The following PRICKLE1 variants were observed in gnomAD, a reference collection of about 807,000 sequenced individuals.
The protein encoded by PRICKLE1 is prickle-like protein 1.
Under a neutral mutation model 70.2 loss-of-function variants are expected in PRICKLE1, and 14 were observed. The observed-to-expected ratio is 0.20, with a 90% CI of 0.13 to 0.31. The LOEUF is 0.31. Ranked by LOEUF, PRICKLE1 falls within the 10% of genes least tolerant of loss-of-function variation. The probability of loss-of-function intolerance (pLI) is 1.00; values close to 1 mark genes in which losing one functional copy is unlikely to be tolerated. For synonymous variants in PRICKLE1, 357 were observed against 379.9 expected, an observed-to-expected ratio of 0.94 and a Z score of 0.70; for missense variants, 821 against 1,026.2, an observed-to-expected ratio of 0.80 and a Z score of 2.73.
At chr12:42,523,039 G>A (rs1028548070) in intron 1 of PRICKLE1, among the ~76,000 whole-genome samples, 2 of 150,290 alleles carry the variant, frequency 1.3e-5, no homozygotes, top group Admixed American at 6.7e-5. Flanking sequence ...TCGGCTCACT[G>A]CAACCACCGC....
Position 42,465,226 on chromosome 12 carries a change from G to T in PRICKLE1, c.808C>A (p.Gln270Lys), listed in dbSNP as rs752070986. Residue 270 changes from glutamine to lysine, a missense_variant, in exon 7 of 8, where the codon CAG becomes AAG. By Grantham distance (53) the Gln-to-Lys change is moderately conservative. Transcript: ENST00000345127. ...VDHAQMTYDG[Q>K]HWHATEACFS... ...CAGGCTTCCGTGGCGTGCCAGTGCT[G>T]CCCGTCATAGGTCATCTGTGCATGG... 34 of 1,613,826 alleles carry T rather than the reference G, an allele frequency of 2.1e-5. No homozygotes were observed. In the African/African-American group the frequency reaches 4.0e-4, roughly 19 times the overall value.
intron 1 of PRICKLE1, among the ~76,000 whole-genome samples, chr12:42,516,975 C>T (rs1356260199): frequency 2.0e-5 from 3 of 152,150 alleles, no homozygotes; most frequent in Non-Finnish European, 4.4e-5. Context: ...GTACCCTCTC[C>T]CTCAACTGTG....
At chr12:42,575,676 A>G (rs746036367) in intron 1 of PRICKLE1, among the ~76,000 whole-genome samples, 66 of 152,224 alleles carry the variant, frequency 4.3e-4, no homozygotes, top group Non-Finnish European at 7.2e-4. Flanking sequence ...CCTGGGTGAC[A>G]GAGCGAAACT....
Position 42,460,012 on chromosome 12 carries a change from A to G in PRICKLE1, c.2293T>C (p.Ser765Pro). ...YGEDDDSWCS[S>P]SSSSSDSEEE... ...TCCGAGTCGGAAGAGGAGGAGGAGG[A>G]AGAACACCAGGAATCATCATCCTCG... is the stretch of plus-strand genomic sequence containing the variant. Residue 765 changes from serine to proline, a missense_variant, in exon 8 of 8, where the codon TCC becomes CCC. Transcript: ENST00000345127. 1 of 1,614,036 alleles carries G rather than the reference A, an allele frequency of 6.2e-7. No homozygotes were observed. The highest frequency in any genetic ancestry group is 8.5e-7 in the Non-Finnish European group (1 of 1,180,000).
chr12:42,572,869 C>T (rs1324981892), intron 1 of PRICKLE1, among the ~76,000 whole-genome samples: 1 of 152,134 alleles, frequency 6.6e-6, no homozygotes, highest in Non-Finnish European at 1.5e-5. Flanking sequence ...CATTCCTATT[C>T]TAACCACCAG....
At chr12:42,571,878 C>T (rs1163957091) in intron 1 of PRICKLE1, among the ~76,000 whole-genome samples, 2 of 152,142 alleles carry the variant, frequency 1.3e-5, no homozygotes, top group Non-Finnish European at 2.9e-5. Context: ...CTTTCACTTT[C>T]CTTTTCTTTT....
At chr12:42,587,106 T>C (rs908532808) in intron 1 of PRICKLE1, among the ~76,000 whole-genome samples, 9 of 152,232 alleles carry the variant, frequency 5.9e-5, no homozygotes, top group African/African-American at 2.2e-4. Context: ...CATAATAAGC[T>C]TTTTAAGCTT....
intron 1 of PRICKLE1, among the ~76,000 whole-genome samples, chr12:42,533,135 T>G (rs1251584989): frequency 6.6e-6 from 1 of 151,572 alleles, no homozygotes; most frequent in Non-Finnish European, 1.5e-5. Flanking sequence ...TAAAAATCCA[T>G]GAATAAGAGA....
chr12:42,530,308 G>A (rs1362772963), intron 1 of PRICKLE1, among the ~76,000 whole-genome samples: 1 of 152,136 alleles, frequency 6.6e-6, no homozygotes, highest in South Asian at 2.1e-4. Flanking sequence ...TCCACTGGCA[G>A]ACAATGTAAT....
chr12:42,505,170 C>T (rs572174279), intron 1 of PRICKLE1, among the ~76,000 whole-genome samples: 31 of 151,852 alleles, frequency 2.0e-4, no homozygotes, highest in Non-Finnish European at 4.4e-4. Context: ...AACAAAAACA[C>T]GGCTACTTCA....
At chr12:42,571,614 G>A (rs1045865162) in intron 1 of PRICKLE1, among the ~76,000 whole-genome samples, 13 of 152,238 alleles carry the variant, frequency 8.5e-5, no homozygotes, top group Non-Finnish European at 1.8e-4. Context: ...CCTGATGGAC[G>A]GGAGCTTACG....
chr12:42,533,520 G>C (rs1939961725), intron 1 of PRICKLE1, among the ~76,000 whole-genome samples: 3 of 152,124 alleles, frequency 2.0e-5, no homozygotes, highest in African/African-American at 2.4e-5. Flanking sequence ...TATAGTATAA[G>C]AACTGTGGGA....
chr12:42,491,328 G>A (rs1329399948), intron 1 of PRICKLE1, among the ~76,000 whole-genome samples: 10 of 150,338 alleles, frequency 6.7e-5, no homozygotes, highest in African/African-American at 1.2e-4. Context: ...CGAGGTGGGC[G>A]GATCACCTGA....
At chr12:42,588,488 TG>T (rs1477577807) in intron 1 of PRICKLE1, among the ~76,000 whole-genome samples, 1 of 152,068 alleles carries the variant, frequency 6.6e-6, no homozygotes, top group African/African-American at 2.4e-5. Flanking sequence ...GATTTTTACA[TG>T]TTTTTTTGGT....
At chr12:42,527,916 AATATATATATATATATATAT>A (rs1163552624) in intron 1 of PRICKLE1, among the ~76,000 whole-genome samples, 389 of 20,136 alleles carry the variant, frequency 0.019, 24 homozygotes, top group African/African-American at 0.032. Context: ...TACTCTTTAT[AATATATATATATATATATAT>A]ATATATATAT....
intron 1 of PRICKLE1, chr12:42,483,945 C>A (rs1322287636): frequency 7.8e-6 from 1 of 127,864 alleles, no homozygotes; most frequent in African/African-American, 3.0e-5. Flanking sequence ...GAGAAAAACT[C>A]GTCTCCGCTC....
chr12:42,482,049 G>A (rs1183609635), intron 1 of PRICKLE1, among the ~76,000 whole-genome samples: 1 of 152,208 alleles, frequency 6.6e-6, no homozygotes, highest in African/African-American at 2.4e-5. Flanking sequence ...ATGCCCTTTA[G>A]TATTTTCTGT....
chr12:42,543,568 T>G (rs560993978), intron 1 of PRICKLE1, among the ~76,000 whole-genome samples: 1 of 152,060 alleles, frequency 6.6e-6, no homozygotes, highest in Non-Finnish European at 1.5e-5. Context: ...TGTCGCCCAG[T>G]CTGGAGTGCA....
intron 1 of PRICKLE1, among the ~76,000 whole-genome samples, chr12:42,472,938 C>G (rs1264773561): frequency 6.6e-6 from 1 of 152,136 alleles, no homozygotes; most frequent in East Asian, 1.9e-4. Context: ...AAAGAAGTGT[C>G]GGGGTCAGGC....
Sources: allele counts gnomAD v4.1 joint callset (sites outside exome capture counted in the v4.1 genomes callset), GRCh38; gene constraint gnomAD v4.1.1; transcripts MANE v1.5; gene names NCBI Gene and HGNC (gene_info 2026-07-23, HGNC 2026-07-21).